The following BCAS3 variants were observed in gnomAD, a reference collection of about 807,000 sequenced individuals.
BCAS3 encodes BCAS4/BCAS3 fusion.
In BCAS3, 53 loss-of-function variants were observed where a neutral mutation model predicts 116.1. That is an observed-to-expected ratio of 0.46 (90% CI 0.37 to 0.57). BCAS3 has a LOEUF of 0.57. Ranked by LOEUF, BCAS3 falls within the 20% of genes least tolerant of loss-of-function variation. BCAS3 has a pLI of 0.00. For missense variants in BCAS3, 917 were observed against 1,165.4 expected, an observed-to-expected ratio of 0.79 and a Z score of 3.10; for synonymous variants, 391 against 408.2, an observed-to-expected ratio of 0.96 and a Z score of 0.51.
In BCAS3 at chr17:61,302,982, A is replaced by G. The variant is rs2053569740; in HGVS notation, c.2426-65345A>G. On this transcript the variant is annotated intron_variant, in intron 22 of 23. Coordinates refer to ENST00000407086, the MANE Select transcript of BCAS3 (RefSeq NM_017679.5). This position sits in a 1 kb window ranked among gnomAD's most constrained non-coding sequence, Gnocchi z 4.4. ...CTCTAGGATATTCAAAGCAAAAGATAGTTGAGGCAGCTCAACTTGTGATGA... is the reference window on the plus strand; with the variant it reads ...CTCTAGGATATTCAAAGCAAAAGATGGTTGAGGCAGCTCAACTTGTGATGA... Among the ~76,000 whole-genome samples, 1 of 152,186 alleles carries G rather than the reference A, an allele frequency of 6.6e-6. No homozygotes were observed. Among genetic ancestry groups the G allele is most frequent in the Non-Finnish European group, 1.5e-5 (1 of 68,036 alleles).
Position 60,962,897 on chromosome 17 carries a change from A to C in BCAS3, c.1221+15545A>C, listed in dbSNP as rs148669955. Among the ~76,000 whole-genome samples the C allele has an allele frequency of 6.6e-4, 101 of 152,218 alleles. No homozygotes were observed. The highest frequency in any genetic ancestry group is 2.4e-3 in the African/African-American group (99 of 41,534). On this transcript the variant is annotated intron_variant, in intron 14 of 23. Coordinates refer to ENST00000407086, the MANE Select transcript of BCAS3 (RefSeq NM_017679.5). This position sits in a 1 kb window ranked among gnomAD's most constrained non-coding sequence, Gnocchi z 4.4. ...GGTCTTAGATTTACGTCTTTAATCG[A>C]TTTTGATTTGATTTTTGTTATGGTG...
chr17:60,680,526 A>G (rs985389515), intron 2 of BCAS3, among the ~76,000 whole-genome samples: 2 of 152,182 alleles, frequency 1.3e-5, no homozygotes, highest in African/African-American at 4.8e-5. Flanking sequence ...TCTGTCAGAA[A>G]GTTTCAAAGT....
chr17:60,721,979 G>T (rs1199917077), intron 5 of BCAS3, among the ~76,000 whole-genome samples: 3 of 152,024 alleles, frequency 2.0e-5, no homozygotes, highest in Non-Finnish European at 4.4e-5. Flanking sequence ...ATGCTCTTAT[G>T]TTCTGGCTTG....
At chr17:60,727,409 T>C (rs1598331298) in intron 5 of BCAS3, 1 of 1,603,702 alleles carries the variant, frequency 6.2e-7, no homozygotes, top group Non-Finnish European at 8.5e-7. Context: ...GCTCTTATAC[T>C]GTGTCACTTT....
At chr17:60,974,635 A>G (rs1162058134) in intron 14 of BCAS3, among the ~76,000 whole-genome samples, 2 of 152,214 alleles carry the variant, frequency 1.3e-5, no homozygotes, top group South Asian at 2.1e-4. Context: ...GCCAAATTTT[A>G]TATCATTATA....
intron 7 of BCAS3, among the ~76,000 whole-genome samples, chr17:60,825,164 T>C (rs746622109): frequency 7.1e-6 from 1 of 140,724 alleles, no homozygotes; most frequent in Non-Finnish European, 1.5e-5. Context: ...AGAACCTGTC[T>C]CAAAAAAAAA....
At chr17:60,813,262 T>C (rs1406757987) in intron 7 of BCAS3, among the ~76,000 whole-genome samples, 1 of 151,932 alleles carries the variant, frequency 6.6e-6, no homozygotes, top group African/African-American at 2.4e-5. Flanking sequence ...ATTTACAATT[T>C]TCTGACCAGT....
chr17:60,896,581 C>CT (rs371499395), intron 10 of BCAS3, among the ~76,000 whole-genome samples: 13,111 of 146,526 alleles, frequency 0.089, 1,936 homozygotes, highest in African/African-American at 0.31. Context: ...CCTTCTTTGT[C>CT]TTTTTTTTTT....
At chr17:61,127,113 G>A (rs1420928534) in intron 22 of BCAS3, among the ~76,000 whole-genome samples, 3 of 152,126 alleles carry the variant, frequency 2.0e-5, no homozygotes, top group Admixed American at 6.6e-5. Context: ...CTACACACAT[G>A]CAGTAGGAGC....
At chr17:61,382,028 A>G (rs2059626915) in intron 23 of BCAS3, among the ~76,000 whole-genome samples, 1 of 152,074 alleles carries the variant, frequency 6.6e-6, no homozygotes, top group Non-Finnish European at 1.5e-5. Context: ...CTTATTAAGA[A>G]ACTCTCATAA....
In BCAS3 at chr17:60,995,608, GC is replaced by G. The variant is rs1381390375; in HGVS notation, c.1486+5374del. Among the ~76,000 whole-genome samples, 4 of 152,260 alleles carry G rather than the reference GC, an allele frequency of 2.6e-5. No individual in the cohort carries two copies. Among genetic ancestry groups the G allele is most frequent in the South Asian group, 2.1e-4 (1 of 4,816 alleles). On this transcript the variant is annotated intron_variant, in intron 15 of 23. Transcript: ENST00000407086. The surrounding 1 kb of genome is among the most constrained non-coding windows in gnomAD (Gnocchi z 4.7). Reference sequence around the variant, plus strand: ...CCACCGCGCCCGACCAGTTTCTAAGGCTTTAAACCAGAGTTTTAAAACATCT... The same window carrying G: ...CCACCGCGCCCGACCAGTTTCTAAGGTTTAAACCAGAGTTTTAAAACATCT...
intron 16 of BCAS3, among the ~76,000 whole-genome samples, chr17:61,027,114 T>TAA (rs1162386976): frequency 7.4e-6 from 1 of 134,476 alleles, no homozygotes; most frequent in African/African-American, 2.8e-5. Context: ...CTTTAAAAAG[T>TAA]AAAAAACAAA....
chr17:60,805,507 G>A (rs1004676130), intron 6 of BCAS3, among the ~76,000 whole-genome samples: 2 of 152,170 alleles, frequency 1.3e-5, no homozygotes, highest in South Asian at 2.1e-4. Context: ...ACATGTGCAT[G>A]TGTGTCCGAA....
intron 7 of BCAS3, among the ~76,000 whole-genome samples, chr17:60,833,182 A>G (rs553414210): frequency 1.8e-4 from 27 of 152,296 alleles, no homozygotes; most frequent in African/African-American, 6.3e-4. Context: ...TATATATTCT[A>G]AAAGAATCCA....
intron 7 of BCAS3, among the ~76,000 whole-genome samples, chr17:60,852,988 G>A (rs1382823486): frequency 6.6e-6 from 1 of 152,152 alleles, no homozygotes; most frequent in African/African-American, 2.4e-5. Context: ...CCAAAAACCT[G>A]CACAAAGATG....
At chr17:61,154,684 C>T (rs2077733555) in intron 22 of BCAS3, among the ~76,000 whole-genome samples, 1 of 152,088 alleles carries the variant, frequency 6.6e-6, no homozygotes. Flanking sequence ...CTTAAGCGAC[C>T]CTCCCCACAT....
chr17:60,710,155 C>T (rs545244249), intron 5 of BCAS3, among the ~76,000 whole-genome samples: 3 of 152,036 alleles, frequency 2.0e-5, no homozygotes, highest in South Asian at 2.1e-4. Flanking sequence ...CTTTTGCAGT[C>T]GGAGGCTCTG....
At chr17:61,321,515 CG>C (rs915416484) in intron 22 of BCAS3, among the ~76,000 whole-genome samples, 1 of 152,160 alleles carries the variant, frequency 6.6e-6, no homozygotes, top group African/African-American at 2.4e-5. Flanking sequence ...CATTTGATGT[CG>C]GGCGGTAAGA....
intron 22 of BCAS3, among the ~76,000 whole-genome samples, chr17:61,305,955 A>G (rs2053822492): frequency 6.6e-6 from 1 of 152,150 alleles, no homozygotes; most frequent in South Asian, 2.1e-4. Flanking sequence ...CCCCTGGTGG[A>G]TGGTCATTGT....
Sources: gnomAD v4.1 joint callset for allele counts (sites outside exome capture counted in the v4.1 genomes callset) on GRCh38, gnomAD v4.1.1 for gene constraint, Gnocchi (gnomAD v3.1) non-coding constraint, MANE v1.5 for transcripts, NCBI Gene and HGNC (gene_info 2026-07-23, HGNC 2026-07-21) for gene names.